Variants in ELMO1 observed in about 807,000 individuals in gnomAD.
ELMO1 encodes the protein engulfment and cell motility 1.
In ELMO1, 26 loss-of-function variants were observed where a neutral mutation model predicts 98.9. The ratio of observed to expected loss-of-function variants is 0.26; its 90% confidence interval spans 0.19 to 0.36. The LOEUF is 0.36. Ranked by LOEUF, ELMO1 falls within the 10% of genes least tolerant of loss-of-function variation. The pLI is 1.00. For synonymous variants in ELMO1, 346 were observed against 346.0 expected (o/e 1.00, Z 0.00); for missense variants, 627 against 935.2 (o/e 0.67, Z 4.30).
chr7:37,213,436 C>A lies in ELMO1; in HGVS notation c.853G>T (p.Ala285Ser). 1 of 1,611,972 alleles carries A rather than the reference C, an allele frequency of 6.2e-7. No homozygotes were observed. The highest frequency in any genetic ancestry group is 1.3e-5 in the African/African-American group (1 of 74,920). Reference protein sequence around the residue: ...ILTHVIRAQRAINNEMAHQLY... With the variant: ...ILTHVIRAQRSINNEMAHQLY... ...TGGTGCGCCATCTCATTGTTGATGGCCCGCTGGGCTCGGATGACATGCTAG... is the reference window on the plus strand; with the variant it reads ...TGGTGCGCCATCTCATTGTTGATGGACCGCTGGGCTCGGATGACATGCTAG... Residue 285 changes from alanine (A) to serine (S), a missense_variant, in exon 12 of 22, where the codon GCC (alanine) becomes TCC (serine). By Grantham distance (99) the Ala-to-Ser change is moderately conservative (BLOSUM62 1). Transcript: ENST00000310758.
chr7:37,427,366 C>T (rs372387829), intron 1 of ELMO1, among the ~76,000 whole-genome samples: 5 of 152,204 alleles, frequency 3.3e-5, no homozygotes, highest in African/African-American at 9.7e-5. Flanking sequence ...AGGAAAAACA[C>T]TTGCTTTAGA....
At chr7:36,993,526 A>G (rs1792003393) in intron 16 of ELMO1, among the ~76,000 whole-genome samples, 1 of 152,216 alleles carries the variant, frequency 6.6e-6, no homozygotes, top group Non-Finnish European at 1.5e-5. Flanking sequence ...ACTTCCAATC[A>G]AAGGAAGCTT....
Position 36,927,491 on chromosome 7 carries a change from A to C in ELMO1, c.1438-32474T>G, listed in dbSNP as rs62445761. ...TGCTCAACAGCAAAACCACATATAGAAATCCTTGTTTAAATTAGTGCTAGT... is the reference window on the plus strand; with the variant it reads ...TGCTCAACAGCAAAACCACATATAGCAATCCTTGTTTAAATTAGTGCTAGT... On this transcript the variant is annotated intron_variant, in intron 16 of 21. Coordinates refer to ENST00000310758, the MANE Select transcript of ELMO1 (RefSeq NM_014800.11). 2.8e-3 allele frequency among the ~76,000 whole-genome samples: 424 copies of C among 152,346 alleles called. 3 individuals are homozygous for C. Among genetic ancestry groups the C allele is most frequent in the Non-Finnish European group, 2.9e-3 (199 of 68,030 alleles).
At chr7:37,438,191 G>C (rs566053906) in intron 1 of ELMO1, among the ~76,000 whole-genome samples, 2 of 152,134 alleles carry the variant, frequency 1.3e-5, no homozygotes, top group African/African-American at 2.4e-5. Flanking sequence ...TTCTAGTCAA[G>C]ACTTTAGGAG....
intron 1 of ELMO1, among the ~76,000 whole-genome samples, chr7:37,427,741 A>G (rs1804766096): frequency 6.6e-6 from 1 of 152,218 alleles, no homozygotes; most frequent in African/African-American, 2.4e-5. Context: ...TTATAGTAAG[A>G]GGAGAAGGGA....
At chr7:37,280,053 T>G (rs996425848) in intron 4 of ELMO1, among the ~76,000 whole-genome samples, 10 of 152,132 alleles carry the variant, frequency 6.6e-5, no homozygotes, top group Admixed American at 5.2e-4. Context: ...ACCCAAATAC[T>G]TATAACCAAC....
chr7:37,047,610 G>T (rs1795868166), intron 15 of ELMO1, among the ~76,000 whole-genome samples: 1 of 152,182 alleles, frequency 6.6e-6, no homozygotes, highest in Admixed American at 6.5e-5. Flanking sequence ...TCCTGACTGG[G>T]TCGTTGGGCT....
chr7:37,239,197 GCT>G (rs1794632282), intron 7 of ELMO1, among the ~76,000 whole-genome samples: 1 of 151,580 alleles, frequency 6.6e-6, no homozygotes, highest in Admixed American at 6.6e-5. Flanking sequence ...ATGGAGTCTC[GCT>G]CTGTCGCCCA....
intron 15 of ELMO1, among the ~76,000 whole-genome samples, chr7:37,080,804 C>T (rs551647269): frequency 5.9e-5 from 9 of 151,812 alleles, no homozygotes; most frequent in Non-Finnish European, 1.2e-4. Context: ...GCTTCAGCCC[C>T]ACTGGCCTCT....
At chr7:37,142,273 T>C (rs1787691298) in intron 13 of ELMO1, among the ~76,000 whole-genome samples, 1 of 152,226 alleles carries the variant, frequency 6.6e-6, no homozygotes, top group Non-Finnish European at 1.5e-5. Flanking sequence ...TAAAACTTCC[T>C]CCCCATTACA....
chr7:37,307,312 T>A (rs1278545988), intron 4 of ELMO1, among the ~76,000 whole-genome samples: 1 of 152,206 alleles, frequency 6.6e-6, no homozygotes, highest in African/African-American at 2.4e-5. Context: ...ACCTCCATTC[T>A]GTTCTCACAG....
intron 16 of ELMO1, among the ~76,000 whole-genome samples, chr7:36,911,771 C>G (rs1301173351): frequency 1.3e-5 from 2 of 152,202 alleles, no homozygotes; most frequent in Non-Finnish European, 1.5e-5. Context: ...ACTCTCCTTT[C>G]TCAAGAGCCC....
intron 13 of ELMO1, among the ~76,000 whole-genome samples, chr7:37,193,168 T>C (rs916871172): frequency 6.6e-6 from 1 of 151,784 alleles, no homozygotes; most frequent in Non-Finnish European, 1.5e-5. Context: ...TGTATTACCT[T>C]GTAAAGTAAA....
chr7:37,120,342 C>A (rs1785920610), intron 14 of ELMO1, among the ~76,000 whole-genome samples: 1 of 152,238 alleles, frequency 6.6e-6, no homozygotes, highest in African/African-American at 2.4e-5. Flanking sequence ...CCTCACCCGA[C>A]AAGCGCAAGG....
At chr7:36,983,044 C>G (rs971268032) in intron 16 of ELMO1, among the ~76,000 whole-genome samples, 3 of 152,248 alleles carry the variant, frequency 2.0e-5, no homozygotes, top group African/African-American at 7.2e-5. Context: ...CCCAAACTGG[C>G]TGCCTGGTTG....
At chr7:37,233,226 A>G in intron 7 of ELMO1, 32 bp from the exon 8 acceptor site, 1 of 1,575,632 alleles carries the variant, frequency 6.3e-7, no homozygotes, top group South Asian at 1.2e-5. Flanking sequence ...AAGAGTCAAG[A>G]GCCCCAAAGC....
chr7:36,889,090 C>G (rs1335419838), intron 17 of ELMO1, among the ~76,000 whole-genome samples: 1 of 152,102 alleles, frequency 6.6e-6, no homozygotes, highest in African/African-American at 2.4e-5. Flanking sequence ...TTGATTTACT[C>G]ATGAGAAAAA....
intron 1 of ELMO1, among the ~76,000 whole-genome samples, chr7:37,415,733 C>T (rs937128030): frequency 2.0e-5 from 3 of 152,144 alleles, no homozygotes; most frequent in Non-Finnish European, 2.9e-5. Flanking sequence ...TATATCAGGG[C>T]TTCAGGGAAA....
chr7:37,434,905 T>TA (rs1805083680), intron 1 of ELMO1, among the ~76,000 whole-genome samples: 1 of 152,200 alleles, frequency 6.6e-6, no homozygotes, highest in Non-Finnish European at 1.5e-5. Context: ...CAACAGCCCT[T>TA]AGCAGAGTTT....
Sources: gnomAD v4.1 joint callset for allele counts (sites outside exome capture counted in the v4.1 genomes callset) on GRCh38, gnomAD v4.1.1 for gene constraint, MANE v1.5 for transcripts, NCBI Gene and HGNC (gene_info 2026-07-23, HGNC 2026-07-21) for gene names.